Variants in KCND3 observed in about 807,000 individuals in gnomAD.
The protein encoded by KCND3 is A-type voltage-gated potassium channel KCND3.
Under a neutral mutation model 51.1 loss-of-function variants are expected in KCND3, and 9 were observed. That is an observed-to-expected ratio of 0.18 (90% CI 0.11 to 0.31). The LOEUF is 0.31. Among genes scored for constraint, KCND3 ranks in the 10% least tolerant of loss-of-function variants. The probability of loss-of-function intolerance (pLI) is 1.00; values close to 1 mark genes in which losing one functional copy is unlikely to be tolerated. For missense variants in KCND3, 526 were observed against 903.8 expected (o/e 0.58, Z 5.36); for synonymous variants, 349 against 368.0 (o/e 0.95, Z 0.59).
intron 2 of KCND3, among the ~76,000 whole-genome samples, chr1:111,947,382 T>C (rs887013246): frequency 6.6e-6 from 1 of 152,238 alleles, no homozygotes; most frequent in Non-Finnish European, 1.5e-5. Flanking sequence ...AATGGGGCAA[T>C]ACATAAACAG....
intron 2 of KCND3, among the ~76,000 whole-genome samples, chr1:111,937,527 GC>G (rs1209030636): frequency 6.6e-6 from 1 of 152,200 alleles, no homozygotes; most frequent in Non-Finnish European, 1.5e-5. Context: ...TCAAGCAGAT[GC>G]CCCCGACAGG....
At chr1:111,856,031 G>T (rs1345590828) in intron 2 of KCND3, among the ~76,000 whole-genome samples, 2 of 152,310 alleles carry the variant, frequency 1.3e-5, no homozygotes, top group Admixed American at 1.3e-4. Flanking sequence ...CCAGGCTCTT[G>T]CCAGGACCCC....
At position 111,982,168 on chromosome 1, in the gene KCND3, AG is replaced by A; in HGVS notation, c.558del (p.Tyr187ThrfsTer2). 1 of 1,613,994 alleles carries A rather than the reference AG, an allele frequency of 6.2e-7. No individual in the cohort carries two copies. The highest frequency in any genetic ancestry group is 8.5e-7 in the Non-Finnish European group (1 of 1,180,006). On this transcript the variant is annotated frameshift_variant, in exon 2 of 8. Coordinates refer to ENST00000302127, the MANE Select transcript of KCND3 (RefSeq NM_001378969.1). LOFTEE classifies it high-confidence loss of function. The surrounding 1 kb of genome is among the most constrained non-coding windows in gnomAD (Gnocchi z 8.5). ...PHTSTLALVF[Y>X]YVTGFFIAVS... ...ACAGCGATGAAGAAGCCAGTCACGT[AG>A]TAGAAGACCAGGGCCAGCGTGCTGG...
Position 111,982,828 on chromosome 1 carries a change from G to A in KCND3, c.-72-30C>T, listed in dbSNP as rs1319247249. The A allele has an allele frequency of 7.5e-6, 11 of 1,476,356 alleles. No individual in the cohort carries two copies. Among genetic ancestry groups the A allele is most frequent in the African/African-American group, 2.8e-5 (2 of 71,842 alleles). 91.5% of individuals were successfully genotyped at this position (1,476,356 alleles called of 1,614,324 possible). ...GAGACAGGAGGGGAGAGAGAGAAGC[G>A]GTGAGTCCATATCGACTGGCAGGTA... is the stretch of plus-strand genomic sequence containing the variant. On this transcript the variant is annotated intron_variant, in intron 1 of 7. Transcript: ENST00000302127. This position sits in a 1 kb window ranked among gnomAD's most constrained non-coding sequence, Gnocchi z 8.5.
chr1:111,801,205 C>T (rs528766451), intron 2 of KCND3, among the ~76,000 whole-genome samples: 6 of 152,346 alleles, frequency 3.9e-5, no homozygotes, highest in African/African-American at 1.4e-4. Context: ...GCGTGTAAGG[C>T]AGAAGGGAGG....
chr1:111,778,413 A>G (rs1199513358), intron 6 of KCND3, 23 bp downstream of exon 6: 2 of 1,607,012 alleles, frequency 1.2e-6, no homozygotes, highest in Admixed American at 1.7e-5. Context: ...AAAAACATCA[A>G]TTGAATTTTT....
At chr1:111,925,902 CCT>C (rs1247264174) in intron 2 of KCND3, among the ~76,000 whole-genome samples, 2 of 152,122 alleles carry the variant, frequency 1.3e-5, no homozygotes, top group African/African-American at 2.4e-5. Flanking sequence ...CCGACACCAT[CCT>C]CTTTCCCAGC....
chr1:111,958,764 C>T (rs1369180892), intron 2 of KCND3, among the ~76,000 whole-genome samples: 2 of 152,154 alleles, frequency 1.3e-5, no homozygotes, highest in Non-Finnish European at 2.9e-5. Flanking sequence ...CTTTGATCTC[C>T]ACCCCACAGT....
At chr1:111,914,779 G>GA (rs1443602909) in intron 2 of KCND3, among the ~76,000 whole-genome samples, 5 of 151,654 alleles carry the variant, frequency 3.3e-5, no homozygotes, top group Non-Finnish European at 7.4e-5. Flanking sequence ...AGTTCTCCAG[G>GA]AAAAAGGAAA....
intron 6 of KCND3, among the ~76,000 whole-genome samples, chr1:111,777,981 G>T (rs1003941013): frequency 6.6e-6 from 1 of 152,200 alleles, no homozygotes; most frequent in Non-Finnish European, 1.5e-5. Flanking sequence ...ACTAAAAAAT[G>T]GCTGTTTGGC....
At chr1:111,965,033 C>G (rs762210283) in intron 2 of KCND3, among the ~76,000 whole-genome samples, 1 of 152,164 alleles carries the variant, frequency 6.6e-6, no homozygotes, top group African/African-American at 2.4e-5. Context: ...AGATTCGAAA[C>G]AGCATCTGCA....
chr1:111,987,376 G>A (rs1335997096), intron 1 of KCND3, among the ~76,000 whole-genome samples: 1 of 152,184 alleles, frequency 6.6e-6, no homozygotes, highest in East Asian at 1.9e-4. Context: ...TACCCCATGC[G>A]TGAATCCAGG....
At position 111,875,943 on chromosome 1, in the gene KCND3, T is replaced by C. The variant is rs568386306; in HGVS notation, c.1107-88837A>G. On this transcript the variant is annotated intron_variant, in intron 2 of 7. Transcript: ENST00000302127. ...TGAAATTGTGGCTGATGGATGGTTA[T>C]GGAGGCAGCAGAGAAACAGGGCCAA... Among the ~76,000 whole-genome samples the C allele has an allele frequency of 1.7e-4, 26 of 152,364 alleles. No homozygotes were observed. The South Asian group carries it at 3.9e-3, about 23-fold the overall frequency.
intron 2 of KCND3, among the ~76,000 whole-genome samples, chr1:111,875,583 G>GCTCCT (rs1284630417): frequency 1.3e-5 from 2 of 152,232 alleles, no homozygotes; most frequent in Admixed American, 6.5e-5. Context: ...GAAAGCCACA[G>GCTCCT]CTCCTCTGTG....
chr1:111,859,044 G>A (rs2101684915), intron 2 of KCND3, among the ~76,000 whole-genome samples: 1 of 152,232 alleles, frequency 6.6e-6, no homozygotes. Context: ...CTCATGTCCA[G>A]TTTTTTTCTC....
intron 2 of KCND3, among the ~76,000 whole-genome samples, chr1:111,882,465 T>A (rs926090649): frequency 1.3e-5 from 2 of 152,168 alleles, no homozygotes; most frequent in African/African-American, 4.8e-5. Context: ...CTGTGCAGAT[T>A]CCAAGGCCAA....
At chr1:111,892,517 G>A (rs1236026648) in intron 2 of KCND3, among the ~76,000 whole-genome samples, 1 of 152,188 alleles carries the variant, frequency 6.6e-6, no homozygotes, top group Non-Finnish European at 1.5e-5. Context: ...CCTACAACTT[G>A]AGTGCCAGGC....
intron 2 of KCND3, among the ~76,000 whole-genome samples, chr1:111,833,769 A>G (rs1453019996): frequency 6.6e-6 from 1 of 152,214 alleles, no homozygotes; most frequent in Admixed American, 6.5e-5. Flanking sequence ...TAGCTGAGAA[A>G]TAGTGTGTAG....
At chr1:111,908,531 G>A (rs1316062587) in intron 2 of KCND3, among the ~76,000 whole-genome samples, 1 of 152,160 alleles carries the variant, frequency 6.6e-6, no homozygotes, top group Non-Finnish European at 1.5e-5. Flanking sequence ...ACTAAGGGTT[G>A]TAGCAGGACT....
Sources: gnomAD v4.1 joint callset for allele counts (sites outside exome capture counted in the v4.1 genomes callset) on GRCh38, gnomAD v4.1.1 for gene constraint, Gnocchi (gnomAD v3.1) non-coding constraint, MANE v1.5 for transcripts, NCBI Gene and HGNC (gene_info 2026-07-23, HGNC 2026-07-21) for gene names.